CDC42EP3: variants seen among roughly 807,000 people sequenced by gnomAD.
The protein encoded by CDC42EP3 is CDC42 effector protein 3.
CDC42EP3 carries 4 observed loss-of-function variants against 15.5 expected under a neutral mutation model. The observed-to-expected ratio is 0.26, with a 90% CI of 0.13 to 0.59. The LOEUF (loss-of-function observed/expected upper bound fraction) is 0.59, where lower values mean the gene tolerates loss of function less well. Among genes scored for constraint, CDC42EP3 ranks in the 20% least tolerant of loss-of-function variants. The pLI is 0.89. For synonymous variants in CDC42EP3, 145 were observed against 130.3 expected (o/e 1.11, Z -0.77); for missense variants, 309 against 311.2 (o/e 0.99, Z 0.05).
chr2:37,669,392 G>A (rs1397784029), intron 1 of CDC42EP3, among the ~76,000 whole-genome samples: 1 of 152,152 alleles, frequency 6.6e-6, no homozygotes, highest in Admixed American at 6.5e-5. Context: ...AGGCTGGAGC[G>A]CAGACAGGGC....
chr2:37,656,993 C>A (rs1416763752), intron 1 of CDC42EP3, among the ~76,000 whole-genome samples: 1 of 87,030 alleles, frequency 1.1e-5, no homozygotes. Flanking sequence ...CCCCCCCACC[C>A]CCCGCCCCCC....
At chr2:37,651,996 A>C (rs1665696744) in intron 1 of CDC42EP3, among the ~76,000 whole-genome samples, 1 of 151,888 alleles carries the variant, frequency 6.6e-6, no homozygotes, top group African/African-American at 2.4e-5. Flanking sequence ...TAACACGGTG[A>C]AACCCCGTCT....
rs1168965384 is a variant in CDC42EP3, at chr2:37,644,824, A to G, written c.*999T>C. Reference sequence around the variant, plus strand: ...CTCTTATGGTCTTGTTTATTACTATAAACAAGCAAGTTCACTTTATCATTT... The same window carrying G: ...CTCTTATGGTCTTGTTTATTACTATGAACAAGCAAGTTCACTTTATCATTT... On this transcript the variant is annotated 3_prime_UTR_variant, in exon 2 of 2. Coordinates refer to ENST00000295324, the MANE Select transcript of CDC42EP3 (RefSeq NM_006449.5). The G allele has an allele frequency of 6.6e-6, 1 of 152,176 alleles. No homozygotes were observed. Among genetic ancestry groups the G allele is most frequent in the African/African-American group, 2.4e-5 (1 of 41,432 alleles). The allele number at this position is 152,176 out of a possible 1,614,324, so 9.4% of individuals were successfully genotyped here. A position where few individuals can be genotyped will look rare whatever the true frequency, so the allele number is the denominator to read the frequency against.
chr2:37,646,331 C>T lies in CDC42EP3; in HGVS notation c.257G>A (p.Arg86Gln), dbSNP rs772486943. 2.7e-5 allele frequency: 44 copies of T among 1,614,026 alleles called. No individual in the cohort carries two copies. Among genetic ancestry groups the T allele is most frequent in the East Asian group, 4.5e-5 (2 of 44,866 alleles). Residue 86 changes from arginine (R) to glutamine (Q), a missense_variant, in exon 2 of 2, where the codon CGG (arginine) becomes CAG (glutamine). Physicochemically the swap from Arg to Gln is conservative, Grantham distance 43. Transcript: ENST00000295324. ...GQFPGHNEFFRANSTSDSVFT... is the reference protein window; with the variant it reads ...GQFPGHNEFFQANSTSDSVFT... ...CACAGAGTCCGAGGTGCTGTTGGCC[C>T]GGAAGAACTCATTATGCCCAGGGAA...
intron 1 of CDC42EP3, among the ~76,000 whole-genome samples, chr2:37,648,991 A>C (rs80287067): frequency 0.023 from 3,500 of 152,060 alleles, 96 homozygotes; most frequent in African/African-American, 0.067. Context: ...ACCACAACTC[A>C]AGGGCATGCC....
At chr2:37,654,845 G>A (rs1665798468) in intron 1 of CDC42EP3, among the ~76,000 whole-genome samples, 1 of 152,186 alleles carries the variant, frequency 6.6e-6, no homozygotes, top group South Asian at 2.1e-4. Flanking sequence ...CTACAATGTG[G>A]ACGCTCATGT....
intron 1 of CDC42EP3, 68 bp downstream of exon 1, chr2:37,671,358 C>G (rs1331533770): frequency 6.6e-6 from 1 of 152,364 alleles, no homozygotes; most frequent in African/African-American, 2.4e-5. Flanking sequence ...CGGAAGCGGC[C>G]ACGGCCGCGG....
intron 1 of CDC42EP3, among the ~76,000 whole-genome samples, chr2:37,654,075 C>T (rs974856825): frequency 5.3e-5 from 8 of 152,190 alleles, no homozygotes; most frequent in Admixed American, 6.5e-5. Flanking sequence ...CCAGCGACTC[C>T]TCCTGCATGT....
Position 37,645,914 on chromosome 2 carries a change from G to C in CDC42EP3, c.674C>G (p.Ser225Cys). 1 of 1,613,172 alleles carries C rather than the reference G, an allele frequency of 6.2e-7. No individual in the cohort carries two copies. Among genetic ancestry groups the C allele is most frequent in the Non-Finnish European group, 8.5e-7 (1 of 1,179,462 alleles). The change falls in exon 2 of 2, where the codon TCT (serine) becomes TGT (cysteine). Residue 225 changes from serine (S) to cysteine (C), a missense_variant. By Grantham distance (112) the Ser-to-Cys change is moderately radical (BLOSUM62 -1). Transcript: ENST00000295324. ...KGKTKSEESL[S>C]DLTGSLLSLQ... ...GGAGAGGAGGGAACCTGTAAGGTCA[G>C]AGAGGGACTCCTCTGACTTAGTCTT...
In CDC42EP3 at chr2:37,643,367, T is replaced by C. The variant is rs1339471230; in HGVS notation, c.*2456A>G. The C allele has an allele frequency of 6.6e-6, 1 of 152,218 alleles. No individual in the cohort carries two copies. The highest frequency in any genetic ancestry group is 1.5e-5 in the Non-Finnish European group (1 of 68,034). The allele number at this position is 152,218 out of a possible 1,614,324, so 9.4% of individuals were successfully genotyped here. ...TGACTCAACAAAATCATAAGCCGCA[T>C]GTAGCTTTGTTTCCTCTTTCTAATA... is the stretch of plus-strand genomic sequence containing the variant. On this transcript the variant is annotated 3_prime_UTR_variant, in exon 2 of 2. Coordinates refer to ENST00000295324, the MANE Select transcript of CDC42EP3 (RefSeq NM_006449.5).
rs770931716 is a variant in CDC42EP3, at chr2:37,646,438, G to C, written c.150C>G (p.His50Gln). The change falls in exon 2 of 2, where the codon CAC becomes CAG. Residue 50 changes from histidine (H) to glutamine (Q), a missense_variant. Coordinates refer to ENST00000295324, the MANE Select transcript of CDC42EP3 (RefSeq NM_006449.5). ...HTIHIGKEGQ[H>Q]DVFGDISFLQ... ...GAAAGGAAATATCTCCAAAGACATC[G>C]TGCTGGCCCTCTTTGCCAATGTGGA... is the stretch of plus-strand genomic sequence containing the variant. 6.2e-7 allele frequency: 1 copy of C among 1,614,144 alleles called. No individual in the cohort carries two copies. The highest frequency in any genetic ancestry group is 1.7e-5 in the Admixed American group (1 of 60,028).
At chr2:37,669,445 T>G (rs961988182) in intron 1 of CDC42EP3, among the ~76,000 whole-genome samples, 2 of 152,194 alleles carry the variant, frequency 1.3e-5, no homozygotes, top group Admixed American at 1.3e-4. Flanking sequence ...TGTTACGGCT[T>G]TGTATTTATT....
Position 37,646,174 on chromosome 2 carries a change from T to A in CDC42EP3, c.414A>T (p.Ala138=). Residue 138 remains alanine, a synonymous_variant, in exon 2 of 2, where the codon GCA becomes GCT. Coordinates refer to ENST00000295324, the MANE Select transcript of CDC42EP3 (RefSeq NM_006449.5). ...FNSKQESFGP[A]KLPRLSCEPV... ...GCTCGCAGCTAAGCCTGGGCAGCTTTGCTGGCCCGAAGGACTCCTGTTTGG... is the reference window on the plus strand; with the variant it reads ...GCTCGCAGCTAAGCCTGGGCAGCTTAGCTGGCCCGAAGGACTCCTGTTTGG... The A allele has an allele frequency of 6.2e-7, 1 of 1,614,194 alleles. No homozygotes were observed. Among genetic ancestry groups the A allele is most frequent in the East Asian group, 2.2e-5 (1 of 44,884 alleles).
At chr2:37,671,133 G>C (rs1429133711) in intron 1 of CDC42EP3, among the ~76,000 whole-genome samples, 2 of 152,340 alleles carry the variant, frequency 1.3e-5, no homozygotes, top group African/African-American at 4.8e-5. Context: ...GCCCAGAATG[G>C]CTCTGCCAAT....
rs2231504 is a variant in CDC42EP3, at chr2:37,645,822, G to A, written c.*1C>T. 1 of 1,515,532 alleles carries A rather than the reference G, an allele frequency of 6.6e-7. No homozygotes were observed. The highest frequency in any genetic ancestry group is 8.8e-7 in the Non-Finnish European group (1 of 1,134,006). The allele number at this position is 1,515,532 out of a possible 1,614,324, so 93.9% of individuals were successfully genotyped here. ...CCCAAAGGAAAAAAGTTGGCATCTT[G>A]TTACTTATTTTTATCCATTACATTC... On this transcript the variant is annotated 3_prime_UTR_variant, in exon 2 of 2. Transcript: ENST00000295324.
At chr2:37,660,660 T>C (rs1314123767) in intron 1 of CDC42EP3, among the ~76,000 whole-genome samples, 1 of 152,214 alleles carries the variant, frequency 6.6e-6, no homozygotes, top group Admixed American at 6.5e-5. Flanking sequence ...TTAAATTTCA[T>C]TTTAAGTTAC....
chr2:37,670,910 GTTCA>G (rs1666393313), intron 1 of CDC42EP3, among the ~76,000 whole-genome samples: 1 of 152,212 alleles, frequency 6.6e-6, no homozygotes, highest in Admixed American at 6.5e-5. Flanking sequence ...CGTCTCAGCT[GTTCA>G]CCGTCAAAAA....
At chr2:37,664,808 A>G (rs1390293259) in intron 1 of CDC42EP3, among the ~76,000 whole-genome samples, 2 of 152,204 alleles carry the variant, frequency 1.3e-5, no homozygotes, top group Non-Finnish European at 2.9e-5. Context: ...AAACTGACGC[A>G]GGAGCAGAAA....
In CDC42EP3 at chr2:37,645,496, C is replaced by T. The variant is rs963771276; in HGVS notation, c.*327G>A. On this transcript the variant is annotated 3_prime_UTR_variant, in exon 2 of 2. Transcript: ENST00000295324. ...TTCCGTGAAGTTCCTTAATGTGACT[C>T]GCTCAGCCCTTCATAGCTAGTGCCA... The T allele has an allele frequency of 4.5e-5, 9 of 198,954 alleles. No individual in the cohort carries two copies. Among genetic ancestry groups the T allele is most frequent in the East Asian group, 2.5e-4 (2 of 8,040 alleles). 12.3% of individuals were successfully genotyped at this position (198,954 alleles called of 1,614,324 possible). A position where few individuals can be genotyped will look rare whatever the true frequency, so the allele number is the denominator to read the frequency against.
Sources: allele counts gnomAD v4.1 joint callset (sites outside exome capture counted in the v4.1 genomes callset), GRCh38; gene constraint gnomAD v4.1.1; transcripts MANE v1.5; gene names NCBI Gene and HGNC (gene_info 2026-07-23, HGNC 2026-07-21).